ELAVL1: variants seen among roughly 807,000 people sequenced by gnomAD.
ELAVL1 encodes the protein ELAV like RNA binding protein 1, also known as ELAV-like protein 1.
Under a neutral mutation model 28.4 loss-of-function variants are expected in ELAVL1, and 1 was observed. That is an observed-to-expected ratio of 0.04 (90% CI 0.01 to 0.17). The LOEUF (loss-of-function observed/expected upper bound fraction) is 0.17, where lower values mean the gene tolerates loss of function less well. Ranked by LOEUF, ELAVL1 falls within the 10% of genes least tolerant of loss-of-function variation. The probability of loss-of-function intolerance (pLI) is 1.00; values close to 1 mark genes in which losing one functional copy is unlikely to be tolerated. For missense variants in ELAVL1, 157 were observed against 447.2 expected, an observed-to-expected ratio of 0.35 and a Z score of 5.85; for synonymous variants, 174 against 183.5, an observed-to-expected ratio of 0.95 and a Z score of 0.42.
At chr19:7,998,781 C>G (rs1210206661) in intron 1 of ELAVL1, among the ~76,000 whole-genome samples, 1 of 151,918 alleles carries the variant, frequency 6.6e-6, no homozygotes, top group Non-Finnish European at 1.5e-5. Context: ...CCATGCCTGG[C>G]CTCCCAGCTC....
rs976463802 is a variant in ELAVL1 at position 7,960,535 on chromosome 19, T to C, written c.*2948A>G. The C allele has an allele frequency of 1.3e-5, 2 of 152,388 alleles. No individual in the cohort carries two copies. The highest frequency in any genetic ancestry group is 1.3e-4 in the Admixed American group (2 of 15,280). The allele number at this position is 152,388 out of a possible 1,614,324, so 9.4% of individuals were successfully genotyped here. A position where few individuals can be genotyped will look rare whatever the true frequency, so the allele number is the denominator to read the frequency against. ...GCAAATTACACTGAAAACGAAATAA[T>C]GGCAGAGCCAAGGGGGAACAAGGGA... On this transcript the variant is annotated 3_prime_UTR_variant, in exon 6 of 6. Transcript: ENST00000407627.
intron 2 of ELAVL1, among the ~76,000 whole-genome samples, chr19:7,985,747 A>T (rs1369855876): frequency 6.6e-6 from 1 of 152,222 alleles, no homozygotes; most frequent in Non-Finnish European, 1.5e-5. Flanking sequence ...GGAGACTGGC[A>T]GGGAGGAATG....
chr19:8,000,068 C>T (rs913335491), intron 1 of ELAVL1, among the ~76,000 whole-genome samples: 10 of 152,162 alleles, frequency 6.6e-5, no homozygotes, highest in South Asian at 2.1e-4. Context: ...TGAGCCACCA[C>T]GCTTGGCCGC....
chr19:7,977,932 G>A (rs1008003902), intron 3 of ELAVL1, among the ~76,000 whole-genome samples: 1 of 152,250 alleles, frequency 6.6e-6, no homozygotes, highest in Non-Finnish European at 1.5e-5. Context: ...TGCAGGTCCT[G>A]CTGCTCAGAA....
intron 2 of ELAVL1, among the ~76,000 whole-genome samples, chr19:7,991,293 C>T (rs2145222485): frequency 6.6e-6 from 1 of 152,314 alleles, no homozygotes; most frequent in South Asian, 2.1e-4. Context: ...AGGGTCCCTT[C>T]CACACGTGGG....
At chr19:7,968,202 G>A (rs1319430813) in intron 4 of ELAVL1, among the ~76,000 whole-genome samples, 1 of 152,204 alleles carries the variant, frequency 6.6e-6, no homozygotes, top group Non-Finnish European at 1.5e-5. Flanking sequence ...GTTGGAGTGG[G>A]GACTGCGTCT....
At position 7,973,802 on chromosome 19, in the gene ELAVL1, G is replaced by C. The variant is rs1421689171; in HGVS notation, c.353C>G (p.Thr118Ser). The stretch of plus-strand genomic sequence containing the variant: ...GAACATGTCTTCTACGTCCTTCTGG[G>C]TCATGGTCCGCGGGAGCCCGCTGAT... ...LYISGLPRTM[T>S]QKDVEDMFSR... Residue 118 changes from threonine (T) to serine (S), a missense_variant, in exon 4 of 6, where the codon ACC (threonine) becomes AGC (serine). Thr to Ser is a moderately conservative substitution (Grantham distance 58, BLOSUM62 1). Coordinates refer to ENST00000407627, the MANE Select transcript of ELAVL1 (RefSeq NM_001419.3). The C allele has an allele frequency of 6.2e-7, 1 of 1,614,084 alleles. No homozygotes were observed. Among genetic ancestry groups the C allele is most frequent in the Non-Finnish European group, 8.5e-7 (1 of 1,180,028 alleles).
intron 1 of ELAVL1, among the ~76,000 whole-genome samples, chr19:7,998,992 G>A (rs2081058391): frequency 6.6e-6 from 1 of 151,910 alleles, no homozygotes; most frequent in South Asian, 2.1e-4. Flanking sequence ...TGCCCATGCT[G>A]GCTTCAAGTC....
rs903866013 is a variant in ELAVL1, at chr19:7,979,674, G to A, written c.276+1409C>T. ...TTGGCTGCCCTCACCAGCCCCCACC[G>A]GGGAAGGTGCCTCTGAGGACCTGCA... On this transcript the variant is annotated intron_variant, in intron 3 of 5. Transcript: ENST00000407627. The surrounding 1 kb of genome is among the most constrained non-coding windows in gnomAD (Gnocchi z 5.4). 4.6e-5 allele frequency among the ~76,000 whole-genome samples: 7 copies of A among 152,198 alleles called. No homozygotes were observed. The highest frequency in any genetic ancestry group is 1.9e-4 in the East Asian group (1 of 5,194).
intron 3 of ELAVL1, among the ~76,000 whole-genome samples, chr19:7,977,687 T>C (rs1266502369): frequency 1.3e-5 from 2 of 152,244 alleles, no homozygotes; most frequent in African/African-American, 4.8e-5. Flanking sequence ...TTCTCCACTC[T>C]GCCACCAAGG....
chr19:7,986,261 T>C (rs1303071019), intron 2 of ELAVL1, among the ~76,000 whole-genome samples: 1 of 152,192 alleles, frequency 6.6e-6, no homozygotes, highest in Non-Finnish European at 1.5e-5. Flanking sequence ...GAGTTCTCTC[T>C]TTAAAGGCTC....
Position 7,963,656 on chromosome 19 carries a change from C to T in ELAVL1, c.808G>A (p.Val270Ile). 1.9e-6 allele frequency: 3 copies of T among 1,614,244 alleles called. No individual in the cohort carries two copies. The highest frequency in any genetic ancestry group is 2.5e-6 in the Non-Finnish European group (3 of 1,180,046). Residue 270 changes from valine (V) to isoleucine (I), a missense_variant, in exon 6 of 6, where the codon GTC becomes ATC. By Grantham distance (29) the Val-to-Ile change is conservative (BLOSUM62 3). Transcript: ENST00000407627. This position sits in a 1 kb window ranked among gnomAD's most constrained non-coding sequence, Gnocchi z 4.5. Reference protein sequence around the residue: ...LWQMFGPFGAVTNVKVIRDFN... With the variant: ...LWQMFGPFGAITNVKVIRDFN... ...TCGCGGATCACTTTCACATTGGTGACGGCACCAAACGGCCCAAACATCTGC... is the reference window on the plus strand; with the variant it reads ...TCGCGGATCACTTTCACATTGGTGATGGCACCAAACGGCCCAAACATCTGC...
At chr19:7,995,677 G>A (rs751225659) in intron 1 of ELAVL1, among the ~76,000 whole-genome samples, 5 of 151,738 alleles carry the variant, frequency 3.3e-5, no homozygotes, top group East Asian at 1.9e-4. Flanking sequence ...AAAATCTGCC[G>A]ACCTCTGTTT....
At chr19:7,987,027 G>A (rs1295204748) in intron 2 of ELAVL1, among the ~76,000 whole-genome samples, 1 of 151,462 alleles carries the variant, frequency 6.6e-6, no homozygotes, top group Non-Finnish European at 1.5e-5. Context: ...AAGCCATCAG[G>A]CTGGGAAAGT....
chr19:7,987,526 C>G (rs1158921460), intron 2 of ELAVL1, among the ~76,000 whole-genome samples: 1 of 152,178 alleles, frequency 6.6e-6, no homozygotes, highest in Non-Finnish European at 1.5e-5. Flanking sequence ...CCAGGCCAGC[C>G]AGAAACATTC....
Position 7,981,178 on chromosome 19 carries a change from A to G in ELAVL1, c.181T>C (p.Leu61=), listed in dbSNP as rs1751307468. The G allele has an allele frequency of 6.2e-7, 1 of 1,614,148 alleles. No homozygotes were observed. Among genetic ancestry groups the G allele is most frequent in the African/African-American group, 1.3e-5 (1 of 75,050 alleles). ...ACGTAGTTCACAAAGCCATAGCCCA[A>G]GCTGTGTCCTGTGCAAGAGAACATG... ...LIRDKVAGHS[L]GYGFVNYVTA... Residue 61 remains leucine, a synonymous_variant, in exon 3 of 6, where the codon TTG becomes CTG. Coordinates refer to ENST00000407627, the MANE Select transcript of ELAVL1 (RefSeq NM_001419.3). The surrounding 1 kb of genome is among the most constrained non-coding windows in gnomAD (Gnocchi z 4.2).
At chr19:7,991,893 A>C in intron 1 of ELAVL1, 62 bp from the exon 2 acceptor site, 1 of 1,316,892 alleles carries the variant, frequency 7.6e-7, no homozygotes, top group African/African-American at 1.5e-5. Context: ...TGAAGGCAAA[A>C]CTAGTAACTG....
chr19:7,983,260 T>C (rs1312213010), intron 2 of ELAVL1, among the ~76,000 whole-genome samples: 1 of 152,146 alleles, frequency 6.6e-6, no homozygotes, highest in African/African-American at 2.4e-5. Context: ...ACCAAGACCG[T>C]AGGACCAGGC....
intron 1 of ELAVL1, among the ~76,000 whole-genome samples, chr19:7,992,095 C>G (rs766537411): frequency 5.9e-5 from 9 of 152,240 alleles, no homozygotes; most frequent in Non-Finnish European, 1.3e-4. Flanking sequence ...CGTCTGCCAC[C>G]ATGCCCAGCT....
Sources: allele counts gnomAD v4.1 joint callset (sites outside exome capture counted in the v4.1 genomes callset), GRCh38; gene constraint gnomAD v4.1.1; non-coding constraint Gnocchi (gnomAD v3.1); transcripts MANE v1.5; gene names NCBI Gene and HGNC (gene_info 2026-07-23, HGNC 2026-07-21).